The following VIPR2 variants were observed in gnomAD, a reference collection of about 807,000 sequenced individuals.
VIPR2 encodes vasoactive intestinal polypeptide receptor 2.
Under a neutral mutation model 58.0 loss-of-function variants are expected in VIPR2, and 48 were observed. The observed-to-expected ratio is 0.83, with a 90% CI of 0.66 to 1.05. VIPR2 has a LOEUF of 1.05. Among genes scored for constraint, VIPR2 ranks in the 50% least tolerant of loss-of-function variants. The pLI, the probability that VIPR2 is intolerant of heterozygous loss-of-function variation, is 0.00. For synonymous variants in VIPR2, 243 were observed against 235.2 expected (o/e 1.03, Z -0.30); for missense variants, 534 against 558.0 (o/e 0.96, Z 0.43).
intron 2 of VIPR2, among the ~76,000 whole-genome samples, chr7:159,111,982 G>A (rs2129496361): frequency 6.6e-6 from 1 of 152,288 alleles, no homozygotes; most frequent in East Asian, 1.9e-4. Context: ...CCGCACTCCA[G>A]CCCGGGCGAC....
intron 4 of VIPR2, among the ~76,000 whole-genome samples, chr7:159,068,277 A>G (rs969721438): frequency 6.6e-6 from 1 of 152,114 alleles, no homozygotes; most frequent in Non-Finnish European, 1.5e-5. Flanking sequence ...AAGGCCTTTT[A>G]AAAAAACAGC....
chr7:159,028,873 C>A lies in VIPR2; in HGVS notation c.*1743G>T, dbSNP rs796427157. 5.3e-5 allele frequency: 8 copies of A among 151,686 alleles called. No individual in the cohort carries two copies. The highest frequency in any genetic ancestry group is 2.0e-4 in the African/African-American group (8 of 40,606). 9.4% of individuals were successfully genotyped at this position (151,686 alleles called of 1,614,324 possible). ...GTAGATCCGACCGCCTCACCTGTCT[C>A]CCCAAACCAACCTCGGGTTCATTCT... On this transcript the variant is annotated 3_prime_UTR_variant, in exon 13 of 13. Transcript: ENST00000262178.
intron 5 of VIPR2, among the ~76,000 whole-genome samples, chr7:159,056,975 C>T (rs138409382): frequency 1.2e-4 from 18 of 152,148 alleles, no homozygotes; most frequent in East Asian, 1.9e-4. Flanking sequence ...AGGCAGGTGA[C>T]GAATGATGCC....
chr7:159,065,115 T>C (rs1471706177), intron 4 of VIPR2, among the ~76,000 whole-genome samples: 1 of 152,214 alleles, frequency 6.6e-6, no homozygotes. Flanking sequence ...TAAGGCTTTC[T>C]TGGCTCTCCT....
At chr7:159,035,676 C>G (rs12666842) in intron 8 of VIPR2, 2 of 984,734 alleles carry the variant, frequency 2.0e-6, no homozygotes, top group Non-Finnish European at 2.4e-6. Flanking sequence ...CTGTGCCCAC[C>G]GCAGGGGCTG....
intron 4 of VIPR2, among the ~76,000 whole-genome samples, chr7:159,062,069 C>T (rs999505746): frequency 1.2e-4 from 19 of 152,176 alleles, no homozygotes; most frequent in African/African-American, 3.1e-4. Context: ...GGTCTTCAGG[C>T]GGCGGTGTGG....
chr7:159,062,808 ACTGATTGGTCCATTTTACAGAGAG>A (rs1855786235), intron 4 of VIPR2, among the ~76,000 whole-genome samples: 1 of 151,784 alleles, frequency 6.6e-6, no homozygotes, highest in South Asian at 2.1e-4. Context: ...CCCTCATCCT[ACTGATTGGTCCATTTTACAGAGAG>A]CTGATTGGTC....
intron 5 of VIPR2, among the ~76,000 whole-genome samples, chr7:159,055,677 C>T (rs1855277949): frequency 6.6e-6 from 1 of 152,068 alleles, no homozygotes. Context: ...ACCTTTTTCC[C>T]TCTCTTATTT....
chr7:159,039,579 C>T (rs1006125733), intron 6 of VIPR2, among the ~76,000 whole-genome samples: 5 of 73,766 alleles, frequency 6.8e-5, no homozygotes, highest in South Asian at 4.4e-4. Flanking sequence ...AAGCCCCACC[C>T]GCTGTGGGAG....
chr7:159,091,859 G>A (rs1293998857), intron 4 of VIPR2, among the ~76,000 whole-genome samples: 3 of 152,232 alleles, frequency 2.0e-5, no homozygotes, highest in South Asian at 4.1e-4. Context: ...CAGGGGCAGG[G>A]GCTCATGCCT....
intron 5 of VIPR2, among the ~76,000 whole-genome samples, chr7:159,046,397 G>A (rs1854652518): frequency 6.6e-6 from 1 of 152,232 alleles, no homozygotes; most frequent in Admixed American, 6.5e-5. Context: ...GAGGCATGAA[G>A]TACTGACGTG....
chr7:159,112,051 C>CTAATACA (rs1280359398), intron 2 of VIPR2, among the ~76,000 whole-genome samples: 6 of 152,172 alleles, frequency 3.9e-5, no homozygotes, highest in Non-Finnish European at 5.9e-5. Context: ...AGTAAGATAA[C>CTAATACA]TAATACATAA....
chr7:159,136,157 G>C (rs1585569116), intron 2 of VIPR2, among the ~76,000 whole-genome samples: 2 of 152,346 alleles, frequency 1.3e-5, no homozygotes, highest in Middle Eastern at 6.8e-3. Flanking sequence ...GATAAATCCA[G>C]GGTCGAGTGG....
rs771757033 is a variant in VIPR2 at position 159,097,840 on chromosome 7, G to A, written c.357+5917C>T. On this transcript the variant is annotated intron_variant, in intron 4 of 12. Coordinates refer to ENST00000262178, the MANE Select transcript of VIPR2 (RefSeq NM_003382.5). The surrounding 1 kb of genome is among the most constrained non-coding windows in gnomAD (Gnocchi z 5.3). The stretch of plus-strand genomic sequence containing the variant: ...CTTTGTGCAAAGTCACTCAGCCATC[G>A]GTGAGTGACAGCTGGGTGGGTTCTC... 3.9e-5 allele frequency among the ~76,000 whole-genome samples: 6 copies of A among 152,164 alleles called. No homozygotes were observed. Among genetic ancestry groups the A allele is most frequent in the African/African-American group, 1.4e-4 (6 of 41,446 alleles).
At position 159,053,471 on chromosome 7, in the gene VIPR2, C is replaced by T. The variant is rs138293790; in HGVS notation, c.455+5010G>A. 4.5e-3 allele frequency among the ~76,000 whole-genome samples: 683 copies of T among 152,262 alleles called. 3 individuals carry two copies. Among genetic ancestry groups the T allele is most frequent in the East Asian group, 0.014 (71 of 5,194 alleles). On this transcript the variant is annotated intron_variant, in intron 5 of 12. Transcript: ENST00000262178. ...CAGGTTGGATGATTCATAATTAGAA[C>T]GATGTCCTGTCTATCCAAGCTGATC...
intron 6 of VIPR2, among the ~76,000 whole-genome samples, chr7:159,041,471 G>T (rs556698442): frequency 7.4e-6 from 1 of 135,234 alleles, no homozygotes; most frequent in African/African-American, 2.7e-5. Context: ...GGTCTGTTGC[G>T]GGTCACTGCT....
At chr7:159,106,046 C>T (rs12111841) in intron 3 of VIPR2, among the ~76,000 whole-genome samples, 2,792 of 152,286 alleles carry the variant, frequency 0.018, 68 homozygotes, top group African/African-American at 0.063. Context: ...CAAAGTCACA[C>T]TGGTGAGCGA....
chr7:159,049,671 A>G (rs1854868616), intron 5 of VIPR2, among the ~76,000 whole-genome samples: 1 of 152,208 alleles, frequency 6.6e-6, no homozygotes, highest in South Asian at 2.1e-4. Flanking sequence ...GAGGCTGAGA[A>G]ATAAACCAGA....
rs1563355309 is a variant in VIPR2 at position 159,132,862 on chromosome 7, T to TGATTGGCATACAGATTGATTTG, written c.151+9583_151+9584insCAAATCAATCTGTATGCCAATC. Among the ~76,000 whole-genome samples, 55 of 48,204 alleles carry TGATTGGCATACAGATTGATTTG rather than the reference T, an allele frequency of 1.1e-3. 1 individual carries two copies. Among genetic ancestry groups the TGATTGGCATACAGATTGATTTG allele is most frequent in the Admixed American group, 2.0e-3 (10 of 5,006 alleles). 31.6% of individuals were successfully genotyped at this position (48,204 alleles called of 152,430 possible). Reference sequence around the variant, plus strand: ...GAATGATTGGCATACCGATTGATTTTAGACAGAATGATTGGCATACAGATT... The same window carrying TGATTGGCATACAGATTGATTTG: ...GAATGATTGGCATACCGATTGATTTTGATTGGCATACAGATTGATTTGAGACAGAATGATTGGCATACAGATT... On this transcript the variant is annotated intron_variant, in intron 2 of 12. Coordinates refer to ENST00000262178, the MANE Select transcript of VIPR2 (RefSeq NM_003382.5).
Sources: allele counts gnomAD v4.1 joint callset (sites outside exome capture counted in the v4.1 genomes callset), GRCh38; gene constraint gnomAD v4.1.1; non-coding constraint Gnocchi (gnomAD v3.1); transcripts MANE v1.5; gene names NCBI Gene and HGNC (gene_info 2026-07-23, HGNC 2026-07-21).